The following PDE11A variants were observed in gnomAD, a reference collection of about 807,000 sequenced individuals.
The protein encoded by PDE11A is dual 3',5'-cyclic-AMP and -GMP phosphodiesterase 11A.
A neutral mutation model predicts 100.5 loss-of-function variants in PDE11A; 100 were observed. The observed-to-expected ratio is 1.00, with a 90% CI of 0.85 to 1.18. PDE11A has a LOEUF of 1.18. Ranked by LOEUF, PDE11A falls within the 50% of genes most tolerant of loss-of-function variation. The pLI, the probability that PDE11A is intolerant of heterozygous loss-of-function variation, is 0.00. For synonymous variants in PDE11A, 381 were observed against 420.8 expected, an observed-to-expected ratio of 0.91 and a Z score of 1.16; for missense variants, 1,141 against 1,152.6, an observed-to-expected ratio of 0.99 and a Z score of 0.15.
intron 5 of PDE11A, among the ~76,000 whole-genome samples, chr2:177,859,016 T>A (rs971969130): frequency 6.6e-6 from 1 of 152,054 alleles, no homozygotes; most frequent in Non-Finnish European, 1.5e-5. Context: ...AAACACCGCA[T>A]GTTCTCGCTC....
chr2:177,770,298 C>T lies in PDE11A; in HGVS notation c.1738-925G>A, dbSNP rs2082294469. Among the ~76,000 whole-genome samples the T allele has an allele frequency of 2.6e-5, 4 of 152,240 alleles. No individual in the cohort carries two copies. The South Asian group carries it at 8.3e-4, about 32-fold the overall frequency. ...AGGGCATGGCCTGAGAGGGGCCGAT[C>T]CTTCAGTCTGAGCCCCCAAATAAAG... On this transcript the variant is annotated intron_variant, in intron 9 of 19. Transcript: ENST00000286063.
At chr2:177,881,175 TG>T (rs147275606) in intron 4 of PDE11A, among the ~76,000 whole-genome samples, 7,307 of 152,300 alleles carry the variant, frequency 0.048, 233 homozygotes, top group Non-Finnish European at 0.076. Context: ...CCTCAGACAC[TG>T]GGACTCCTGA....
At chr2:178,088,691 G>A (rs2087386938) in intron 2 of PDE11A, among the ~76,000 whole-genome samples, 1 of 152,122 alleles carries the variant, frequency 6.6e-6, no homozygotes, top group Admixed American at 6.5e-5. Flanking sequence ...ATCATCCAAT[G>A]GTCTACATAT....
At chr2:178,031,866 C>A (rs1426831111) in intron 1 of PDE11A, among the ~76,000 whole-genome samples, 1 of 152,048 alleles carries the variant, frequency 6.6e-6, no homozygotes, top group African/African-American at 2.4e-5. Flanking sequence ...GAAGCCAAGA[C>A]CCTCCTGAGG....
intron 9 of PDE11A, among the ~76,000 whole-genome samples, chr2:177,806,391 A>G (rs2082871606): frequency 6.6e-6 from 1 of 152,198 alleles, no homozygotes. Flanking sequence ...AAGCAGAAAT[A>G]AACTGAAACT....
chr2:178,070,665 C>T (rs1358129425), intron 1 of PDE11A, among the ~76,000 whole-genome samples: 2 of 152,130 alleles, frequency 1.3e-5, no homozygotes, highest in African/African-American at 2.4e-5. Flanking sequence ...GTTCAAAATG[C>T]TGTGAAAATG....
In PDE11A at chr2:177,769,376, G is replaced by A. The variant is rs759843345; in HGVS notation, c.1738-3C>T. 4.5e-6 allele frequency: 7 copies of A among 1,550,516 alleles called. No homozygotes were observed. In the South Asian group the frequency reaches 7.8e-5, roughly 17 times the overall value. The stretch of plus-strand genomic sequence containing the variant: ...CATGTTGCATGGTATGATAGCACCT[G>A]ATTCAGAAGAAAAAAAAATAATTTT... On this transcript the variant is annotated splice_region_variant and splice_polypyrimidine_tract_variant and intron_variant, in intron 9 of 19. Coordinates refer to ENST00000286063, the MANE Select transcript of PDE11A (RefSeq NM_016953.4).
chr2:177,751,288 T>A (rs2082022428), intron 10 of PDE11A, among the ~76,000 whole-genome samples: 3 of 150,772 alleles, frequency 2.0e-5, no homozygotes, highest in Middle Eastern at 6.8e-3. Flanking sequence ...TCCTTGGTGG[T>A]TGTCATTTTC....
intron 1 of PDE11A, among the ~76,000 whole-genome samples, chr2:178,020,927 GTGTGTGTGTGTGTGTGT>G (rs2086402218): frequency 1.0e-4 from 2 of 19,292 alleles, no homozygotes; most frequent in Non-Finnish European, 1.6e-4. Flanking sequence ...TTGTCTTGGT[GTGTGTGTGTGTGTGTGT>G]GTGTGTGTGT....
chr2:177,676,518 C>T (rs1231489847), intron 16 of PDE11A, among the ~76,000 whole-genome samples: 2 of 152,166 alleles, frequency 1.3e-5, no homozygotes, highest in African/African-American at 2.4e-5. Context: ...GCAGAGCATG[C>T]TTAGATGGCA....
intron 9 of PDE11A, among the ~76,000 whole-genome samples, chr2:177,775,715 C>T (rs1312731576): frequency 6.6e-6 from 1 of 152,204 alleles, no homozygotes; most frequent in Non-Finnish European, 1.5e-5. Flanking sequence ...TCCTCATCAC[C>T]TCATTGGTAT....
chr2:177,985,452 C>A (rs2085929235), intron 2 of PDE11A, among the ~76,000 whole-genome samples: 1 of 152,118 alleles, frequency 6.6e-6, no homozygotes, highest in South Asian at 2.1e-4. Flanking sequence ...AGGCAAGGAA[C>A]ACAGGCATAA....
chr2:177,990,131 C>A (rs996151124), intron 2 of PDE11A, among the ~76,000 whole-genome samples: 6 of 152,190 alleles, frequency 3.9e-5, no homozygotes, highest in South Asian at 4.1e-4. Flanking sequence ...CCAGCACCAA[C>A]GGGGATAGGT....
chr2:177,734,649 G>A (rs1352198937), intron 10 of PDE11A, among the ~76,000 whole-genome samples: 1 of 152,106 alleles, frequency 6.6e-6, no homozygotes, highest in South Asian at 2.1e-4. Flanking sequence ...TGGCTGAGTG[G>A]CAGTGGGCAA....
intron 10 of PDE11A, among the ~76,000 whole-genome samples, chr2:177,728,382 C>A (rs1439482105): frequency 1.4e-5 from 1 of 69,138 alleles, no homozygotes. Context: ...GGGTTGGGGG[C>A]GGGGGGAGGG....
rs957887792 is a variant in PDE11A, at chr2:177,623,926, G to C, written c.*5481C>G. ...GACAAGGTCATGACAAACAGTGTCA[G>C]CATGACATTGGGCATTGCTAAATCT... On this transcript the variant is annotated 3_prime_UTR_variant, in exon 20 of 20. Coordinates refer to ENST00000286063, the MANE Select transcript of PDE11A (RefSeq NM_016953.4). The C allele has an allele frequency of 1.3e-5, 2 of 152,212 alleles. No homozygotes were observed. Among genetic ancestry groups the C allele is most frequent in the African/African-American group, 4.8e-5 (2 of 41,458 alleles). 9.4% of individuals were successfully genotyped at this position (152,212 alleles called of 1,614,324 possible). A position where few individuals can be genotyped will look rare whatever the true frequency, so the allele number is the denominator to read the frequency against.
intron 9 of PDE11A, among the ~76,000 whole-genome samples, chr2:177,805,536 C>A (rs116527138): frequency 0.02 from 3,071 of 152,174 alleles, 55 homozygotes; most frequent in South Asian, 0.044. Flanking sequence ...AAGGTCAAAT[C>A]AATGAAGTAA....
chr2:177,997,632 A>G (rs2086093037), intron 2 of PDE11A: 1 of 1,363,310 alleles, frequency 7.3e-7, no homozygotes, highest in African/African-American at 1.4e-5. Flanking sequence ...GGCCTCGTGC[A>G]AAGTATTGCA....
At chr2:178,107,549 T>C (rs941919920) in intron 1 of PDE11A, among the ~76,000 whole-genome samples, 3 of 151,450 alleles carry the variant, frequency 2.0e-5, no homozygotes, top group African/African-American at 7.3e-5. Flanking sequence ...ACTCATTTAG[T>C]TCTCACAACA....
Sources: allele counts gnomAD v4.1 joint callset (sites outside exome capture counted in the v4.1 genomes callset), GRCh38; gene constraint gnomAD v4.1.1; transcripts MANE v1.5; gene names NCBI Gene and HGNC (gene_info 2026-07-23, HGNC 2026-07-21).